The following SNTG1 variants were observed in gnomAD, a reference collection of about 807,000 sequenced individuals.
SNTG1 encodes the protein syntrophin gamma 1.
Under a neutral mutation model 74.7 loss-of-function variants are expected in SNTG1, and 39 were observed. The observed-to-expected ratio is 0.52, with a 90% CI of 0.40 to 0.68. The LOEUF (loss-of-function observed/expected upper bound fraction) is 0.68. Ranked by LOEUF, SNTG1 falls within the 30% of genes least tolerant of loss-of-function variation. The pLI, the probability that SNTG1 is intolerant of heterozygous loss-of-function variation, is 0.00. For missense variants in SNTG1, 685 were observed against 609.5 expected, an observed-to-expected ratio of 1.12 and a Z score of -1.30; for synonymous variants, 254 against 217.1, an observed-to-expected ratio of 1.17 and a Z score of -1.49.
At chr8:50,556,375 A>G (rs1270639296) in intron 12 of SNTG1, among the ~76,000 whole-genome samples, 1 of 152,154 alleles carries the variant, frequency 6.6e-6, no homozygotes, top group Non-Finnish European at 1.5e-5. Context: ...ACTCTCACAT[A>G]ATGAGCATTT....
At chr8:50,352,397 CTT>C (rs34505907) in intron 2 of SNTG1, among the ~76,000 whole-genome samples, 5 of 146,194 alleles carry the variant, frequency 3.4e-5, no homozygotes, top group African/African-American at 5.0e-5. Context: ...CGTTCTTTCT[CTT>C]TTTTTTTTTG....
intron 2 of SNTG1, among the ~76,000 whole-genome samples, chr8:50,238,504 A>C (rs2086018864): frequency 6.6e-6 from 1 of 152,198 alleles, no homozygotes; most frequent in South Asian, 2.1e-4. Flanking sequence ...AGATGGATTA[A>C]AGACTTAAAT....
At chr8:50,739,679 TA>T (rs200775615) in intron 17 of SNTG1, among the ~76,000 whole-genome samples, 2 of 151,642 alleles carry the variant, frequency 1.3e-5, no homozygotes, top group Non-Finnish European at 2.9e-5. Flanking sequence ...TAAAGTATAA[TA>T]AAAAAATAAA....
At chr8:50,712,541 T>C (rs750243390) in intron 17 of SNTG1, among the ~76,000 whole-genome samples, 1 of 152,152 alleles carries the variant, frequency 6.6e-6, no homozygotes, top group African/African-American at 2.4e-5. Context: ...AAAACATGCA[T>C]GTTTGTTACA....
intron 1 of SNTG1, among the ~76,000 whole-genome samples, chr8:49,947,356 A>C (rs1809290145): frequency 6.6e-6 from 1 of 152,208 alleles, no homozygotes; most frequent in African/African-American, 2.4e-5. Context: ...CCCAGTGATA[A>C]GATAAACATG....
At chr8:50,415,586 G>A (rs2131420591) in intron 4 of SNTG1, among the ~76,000 whole-genome samples, 2 of 152,026 alleles carry the variant, frequency 1.3e-5, no homozygotes, top group Admixed American at 1.3e-4. Context: ...AGCACAAGTA[G>A]TTTTAGTTTA....
At chr8:50,244,091 CT>C (rs1375466163) in intron 2 of SNTG1, among the ~76,000 whole-genome samples, 1 of 152,016 alleles carries the variant, frequency 6.6e-6, no homozygotes, top group East Asian at 1.9e-4. Flanking sequence ...ACTCAGGGAG[CT>C]TTTACTCATA....
intron 8 of SNTG1, among the ~76,000 whole-genome samples, chr8:50,482,868 A>C (rs903917805): frequency 5.9e-5 from 9 of 152,176 alleles, no homozygotes; most frequent in Non-Finnish European, 1.5e-5. Context: ...AGTTGGTATG[A>C]TGCTGACATC....
chr8:49,987,163 G>C (rs570285211), intron 1 of SNTG1, among the ~76,000 whole-genome samples: 3 of 152,294 alleles, frequency 2.0e-5, no homozygotes, highest in East Asian at 1.9e-4. Flanking sequence ...ACCCCAGGAG[G>C]GGGGAGTCAT....
intron 2 of SNTG1, among the ~76,000 whole-genome samples, chr8:50,364,595 A>G (rs996890330): frequency 6.6e-6 from 1 of 152,156 alleles, no homozygotes; most frequent in African/African-American, 2.4e-5. Flanking sequence ...TCTCTGAGAC[A>G]TAACACCATT....
intron 4 of SNTG1, among the ~76,000 whole-genome samples, chr8:50,430,859 T>G (rs2093226882): frequency 6.6e-6 from 1 of 152,208 alleles, no homozygotes; most frequent in Non-Finnish European, 1.5e-5. Flanking sequence ...TTCATGGGAC[T>G]GGGATAGTTA....
chr8:50,472,087 G>T (rs1015206470), intron 8 of SNTG1, among the ~76,000 whole-genome samples: 1 of 152,114 alleles, frequency 6.6e-6, no homozygotes, highest in Non-Finnish European at 1.5e-5. Context: ...TTCATGGACT[G>T]GGAGAGAATT....
chr8:50,561,068 T>TC (rs1024724270), intron 12 of SNTG1, among the ~76,000 whole-genome samples: 1 of 152,150 alleles, frequency 6.6e-6, no homozygotes, highest in Non-Finnish European at 1.5e-5. Context: ...CAAATTGTAA[T>TC]CCCCATGTGT....
At chr8:50,355,658 T>C (rs1371149885) in intron 2 of SNTG1, among the ~76,000 whole-genome samples, 1 of 152,222 alleles carries the variant, frequency 6.6e-6, no homozygotes, top group Non-Finnish European at 1.5e-5. Flanking sequence ...CTGTCATCAG[T>C]TGCTGCTGCT....
At chr8:50,384,712 T>C (rs1198015732) in intron 2 of SNTG1, among the ~76,000 whole-genome samples, 2 of 152,232 alleles carry the variant, frequency 1.3e-5, no homozygotes, top group East Asian at 1.9e-4. Context: ...CTCCAGTGAA[T>C]TGTGGTTAGG....
intron 1 of SNTG1, among the ~76,000 whole-genome samples, chr8:50,102,920 T>A (rs2080201461): frequency 1.3e-5 from 2 of 150,972 alleles, no homozygotes; most frequent in African/African-American, 4.9e-5. Context: ...TTGATCTATA[T>A]CTTTGTTTTG....
intron 2 of SNTG1, among the ~76,000 whole-genome samples, chr8:50,326,371 A>C (rs76735322): frequency 6.6e-6 from 1 of 151,984 alleles, no homozygotes; most frequent in Non-Finnish European, 1.5e-5. Context: ...TCTTTTATAG[A>C]TATAGGACTA....
intron 11 of SNTG1, among the ~76,000 whole-genome samples, chr8:50,539,893 T>C (rs546575964): frequency 3.3e-5 from 5 of 152,338 alleles, no homozygotes; most frequent in Non-Finnish European, 5.9e-5. Flanking sequence ...ACCCATTCTC[T>C]AGTCCTTCAA....
chr8:50,763,771 C>T lies in SNTG1; in HGVS notation c.1395+11660C>T, dbSNP rs369466674. ...AATGTTGTTAAAACGTCTATATTAC[C>T]CCCAAAAGATTAATAGATTCATTAA... On this transcript the variant is annotated intron_variant, in intron 18 of 18. Transcript: ENST00000642720. 3.8e-3 allele frequency among the ~76,000 whole-genome samples: 551 copies of T among 143,606 alleles called. 4 individuals are homozygous for T. Among genetic ancestry groups the T allele is most frequent in the African/African-American group, 0.013 (510 of 38,782 alleles). 94.2% of individuals were successfully genotyped at this position (143,606 alleles called of 152,430 possible). A position where few individuals can be genotyped will look rare whatever the true frequency, so the allele number is the denominator to read the frequency against.
Sources: allele counts gnomAD v4.1 joint callset (sites outside exome capture counted in the v4.1 genomes callset), GRCh38; gene constraint gnomAD v4.1.1; transcripts MANE v1.5; gene names NCBI Gene and HGNC (gene_info 2026-07-23, HGNC 2026-07-21).